The following RBMS3 variants were observed in gnomAD, a reference collection of about 807,000 sequenced individuals.
RBMS3 encodes RNA-binding motif, single-stranded-interacting protein 3.
A neutral mutation model predicts 66.8 loss-of-function variants in RBMS3; 27 were observed. The ratio of observed to expected loss-of-function variants is 0.40; its 90% CI spans 0.30 to 0.56. The LOEUF (loss-of-function observed/expected upper bound fraction) is 0.56, where lower values mean the gene tolerates loss of function less well. Among genes scored for constraint, RBMS3 ranks in the 20% least tolerant of loss-of-function variants. The pLI is 0.40. For synonymous variants in RBMS3, 188 were observed against 183.0 expected, an observed-to-expected ratio of 1.03 and a Z score of -0.22; for missense variants, 513 against 549.5, an observed-to-expected ratio of 0.93 and a Z score of 0.66.
intron 6 of RBMS3, among the ~76,000 whole-genome samples, chr3:29,776,650 A>G (rs2056437537): frequency 6.6e-6 from 1 of 152,040 alleles, no homozygotes; most frequent in African/African-American, 2.4e-5. Context: ...TAGCATTATT[A>G]GTGGCATCTG....
At chr3:29,528,792 G>T (rs1368168358) in intron 3 of RBMS3, among the ~76,000 whole-genome samples, 2 of 152,190 alleles carry the variant, frequency 1.3e-5, no homozygotes, top group African/African-American at 4.8e-5. Context: ...GGAGTGCAAT[G>T]GCGTGATCTC....
At chr3:29,845,284 C>G (rs1028993117) in intron 6 of RBMS3, among the ~76,000 whole-genome samples, 3 of 152,180 alleles carry the variant, frequency 2.0e-5, no homozygotes, top group Non-Finnish European at 2.9e-5. Context: ...GCCACTAACT[C>G]CATGACTTTA....
intron 6 of RBMS3, among the ~76,000 whole-genome samples, chr3:29,815,157 A>G (rs1448327140): frequency 6.6e-6 from 1 of 152,190 alleles, no homozygotes; most frequent in Non-Finnish European, 1.5e-5. Flanking sequence ...GCAGCACAAG[A>G]TAAGAGCACA....
chr3:29,787,214 A>G (rs2056849937), intron 6 of RBMS3, among the ~76,000 whole-genome samples: 1 of 152,166 alleles, frequency 6.6e-6, no homozygotes, highest in African/African-American at 2.4e-5. Context: ...TAAAAAGGGA[A>G]CACTTTTACA....
At chr3:29,672,788 C>T (rs547024748) in intron 4 of RBMS3, among the ~76,000 whole-genome samples, 20 of 152,216 alleles carry the variant, frequency 1.3e-4, no homozygotes, top group Admixed American at 3.9e-4. Context: ...TAAAGCAAGT[C>T]CTTAGAGACA....
At chr3:29,980,765 C>G (rs1452882219) in intron 12 of RBMS3, among the ~76,000 whole-genome samples, 1 of 151,990 alleles carries the variant, frequency 6.6e-6, no homozygotes, top group African/African-American at 2.4e-5. Flanking sequence ...ATTTCTGAGG[C>G]CTCTGTTCTT....
intron 3 of RBMS3, among the ~76,000 whole-genome samples, chr3:29,519,512 A>G (rs1188213949): frequency 6.6e-6 from 1 of 152,204 alleles, no homozygotes; most frequent in African/African-American, 2.4e-5. Context: ...AAACAGTCTG[A>G]AAACCACTCA....
intron 2 of RBMS3, among the ~76,000 whole-genome samples, chr3:29,455,975 G>A (rs572486895): frequency 7.2e-5 from 11 of 152,230 alleles, no homozygotes; most frequent in East Asian, 1.9e-4. Context: ...TGTACATGTC[G>A]TCAAGTGACC....
chr3:29,300,789 A>G lies in RBMS3; in HGVS notation c.75+19033A>G, dbSNP rs990848635. Among the ~76,000 whole-genome samples the G allele has an allele frequency of 8.6e-5, 13 of 151,984 alleles. 1 individual carries two copies. The highest frequency in any genetic ancestry group is 3.1e-4 in the African/African-American group (13 of 41,424). ...TTAAGAGGAAACCAAGCAAAGAAGT[A>G]AGGATTTTGATGCAATTCGTAGAAG... On this transcript the variant is annotated intron_variant, in intron 1 of 14. Transcript: ENST00000383767.
chr3:29,727,518 A>T (rs2053937293), intron 4 of RBMS3, among the ~76,000 whole-genome samples: 1 of 152,188 alleles, frequency 6.6e-6, no homozygotes, highest in African/African-American at 2.4e-5. Context: ...ATTTACAAGA[A>T]AAAAACAACC....
chr3:29,692,217 G>A (rs1282523745), intron 4 of RBMS3, among the ~76,000 whole-genome samples: 3 of 151,728 alleles, frequency 2.0e-5, no homozygotes, highest in Non-Finnish European at 4.4e-5. Flanking sequence ...CCTAACCTCA[G>A]GTGATCCACC....
At chr3:29,458,227 C>A (rs139138326) in intron 2 of RBMS3, among the ~76,000 whole-genome samples, 182 of 152,286 alleles carry the variant, frequency 1.2e-3, no homozygotes, top group African/African-American at 4.3e-3. Context: ...TGAAATAACA[C>A]AGTGACTGGC....
chr3:30,001,840 A>G (rs1379058097), intron 14 of RBMS3, among the ~76,000 whole-genome samples: 2 of 151,020 alleles, frequency 1.3e-5, no homozygotes, highest in African/African-American at 4.9e-5. Flanking sequence ...TCCAACTTAA[A>G]ATGTTCTTGT....
chr3:29,711,357 A>G (rs2053160345), intron 4 of RBMS3, among the ~76,000 whole-genome samples: 2 of 152,168 alleles, frequency 1.3e-5, no homozygotes, highest in South Asian at 4.1e-4. Context: ...CCTGGAAATG[A>G]TTTTCTCCAT....
chr3:29,430,541 C>CT (rs1465373918), intron 1 of RBMS3, among the ~76,000 whole-genome samples: 1 of 151,986 alleles, frequency 6.6e-6, no homozygotes, highest in Non-Finnish European at 1.5e-5. Flanking sequence ...TTTGTTGGGC[C>CT]TTTTGGAGGA....
At chr3:29,725,123 C>T (rs1036706335) in intron 4 of RBMS3, among the ~76,000 whole-genome samples, 2 of 152,152 alleles carry the variant, frequency 1.3e-5, no homozygotes, top group Non-Finnish European at 2.9e-5. Flanking sequence ...ACGAGTACCT[C>T]CATTTGTTCA....
intron 9 of RBMS3, among the ~76,000 whole-genome samples, chr3:29,897,870 T>G (rs2060162443): frequency 6.6e-6 from 1 of 151,680 alleles, no homozygotes; most frequent in Admixed American, 6.6e-5. Flanking sequence ...TTTATCACTG[T>G]CATCTCATTT....
chr3:29,626,485 T>A (rs191948881), intron 4 of RBMS3, among the ~76,000 whole-genome samples: 1 of 152,278 alleles, frequency 6.6e-6, no homozygotes, highest in East Asian at 1.9e-4. Flanking sequence ...GCAGTGTGAG[T>A]GGCAAAGTGG....
At chr3:29,784,969 T>G (rs750478738) in intron 6 of RBMS3, among the ~76,000 whole-genome samples, 2 of 152,034 alleles carry the variant, frequency 1.3e-5, no homozygotes, top group African/African-American at 2.4e-5. Flanking sequence ...ACAACCCTCC[T>G]AGATTAAACC....
Sources: gnomAD v4.1 joint callset for allele counts (sites outside exome capture counted in the v4.1 genomes callset) on GRCh38, gnomAD v4.1.1 for gene constraint, MANE v1.5 for transcripts, NCBI Gene and HGNC (gene_info 2026-07-23, HGNC 2026-07-21) for gene names.